Variants in HMBOX1 observed in about 807,000 individuals in gnomAD.
HMBOX1 encodes the protein homeobox-containing protein 1.
Under a neutral mutation model 54.5 loss-of-function variants are expected in HMBOX1, and 14 were observed. That is an observed-to-expected ratio of 0.26 (90% CI 0.17 to 0.40). The LOEUF (loss-of-function observed/expected upper bound fraction) is 0.40. Ranked by LOEUF, HMBOX1 falls within the 10% of genes least tolerant of loss-of-function variation. HMBOX1 has a pLI of 1.00. For missense variants in HMBOX1, 332 were observed against 514.4 expected, an observed-to-expected ratio of 0.65 and a Z score of 3.43; for synonymous variants, 160 against 181.0, an observed-to-expected ratio of 0.88 and a Z score of 0.93.
At chr8:28,986,607 G>A (rs576991293) in intron 4 of HMBOX1, among the ~76,000 whole-genome samples, 7 of 152,272 alleles carry the variant, frequency 4.6e-5, no homozygotes, top group Admixed American at 4.6e-4. Flanking sequence ...TCTCCAAATG[G>A]AAGAGGTTTA....
At chr8:28,961,280 A>G (rs960301827) in intron 1 of HMBOX1, among the ~76,000 whole-genome samples, 27 of 152,350 alleles carry the variant, frequency 1.8e-4, no homozygotes, top group African/African-American at 5.8e-4. Flanking sequence ...TTAAATACAT[A>G]CAGTATACAG....
intron 4 of HMBOX1, among the ~76,000 whole-genome samples, chr8:29,003,666 G>T (rs1368253840): frequency 6.7e-6 from 1 of 149,278 alleles, no homozygotes; most frequent in Non-Finnish European, 1.5e-5. Context: ...GAAATAAGGG[G>T]TGGGAGTGGA....
rs1435290308 is a variant in HMBOX1, at chr8:28,890,565, C to G, written c.-171C>G. 1 of 152,630 alleles carries G rather than the reference C, an allele frequency of 6.6e-6. No homozygotes were observed. The highest frequency in any genetic ancestry group is 2.4e-5 in the African/African-American group (1 of 41,380). 9.5% of individuals were successfully genotyped at this position (152,630 alleles called of 1,614,324 possible). The stretch of plus-strand genomic sequence containing the variant: ...CAGTCCCCTCCCGACGGGCGCCCCA[C>G]GCGGAAGACACCCCTCCCCCTCCCG... On this transcript the variant is annotated 5_prime_UTR_variant, in exon 1 of 10. Transcript: ENST00000287701.
chr8:28,931,662 C>G (rs1453854775), intron 1 of HMBOX1, among the ~76,000 whole-genome samples: 1 of 152,112 alleles, frequency 6.6e-6, no homozygotes, highest in Non-Finnish European at 1.5e-5. Context: ...CCACCTCAGC[C>G]TCCCAAGTAG....
chr8:28,891,413 C>T (rs1258612011), intron 1 of HMBOX1: 1 of 152,212 alleles, frequency 6.6e-6, no homozygotes, highest in Non-Finnish European at 1.5e-5. Flanking sequence ...TATTTTATTC[C>T]GGAACCGTGT....
intron 1 of HMBOX1, among the ~76,000 whole-genome samples, chr8:28,950,991 A>G (rs2132121846): frequency 6.6e-6 from 1 of 152,264 alleles, no homozygotes; most frequent in East Asian, 1.9e-4. Context: ...GATTACCTGT[A>G]TTTATTGATA....
intron 1 of HMBOX1, among the ~76,000 whole-genome samples, chr8:28,907,036 T>C (rs1814477029): frequency 6.6e-6 from 1 of 150,848 alleles, no homozygotes; most frequent in Non-Finnish European, 1.5e-5. Context: ...ATCAAAATTA[T>C]TTGAAAAATA....
intron 3 of HMBOX1, among the ~76,000 whole-genome samples, chr8:28,979,379 G>T (rs1219649436): frequency 1.3e-5 from 2 of 152,158 alleles, no homozygotes; most frequent in Admixed American, 1.3e-4. Flanking sequence ...GAAAAATGAG[G>T]TCTATAATGT....
intron 4 of HMBOX1, among the ~76,000 whole-genome samples, chr8:28,991,469 A>G (rs1230482150): frequency 2.0e-5 from 3 of 152,204 alleles, no homozygotes; most frequent in Non-Finnish European, 4.4e-5. Flanking sequence ...TGAGTGGCCT[A>G]TCTCCAGATC....
intron 5 of HMBOX1, among the ~76,000 whole-genome samples, chr8:29,011,156 T>C (rs1335912649): frequency 1.3e-5 from 2 of 152,218 alleles, no homozygotes; most frequent in South Asian, 2.1e-4. Context: ...AAGTAAAATA[T>C]GTGGTATGAG....
rs10554708 is a variant in HMBOX1, at chr8:28,970,981, GACACACACACACACACAC to G, written c.500+494_500+511del. Among the ~76,000 whole-genome samples the G allele has an allele frequency of 0.012, 1,643 of 132,036 alleles. 14 individuals are homozygous for G. Among genetic ancestry groups the G allele is most frequent in the Non-Finnish European group, 0.018 (1,111 of 62,712 alleles). The allele number at this position is 132,036 out of a possible 152,430, so 86.6% of individuals were successfully genotyped here. On this transcript the variant is annotated intron_variant, in intron 3 of 9. Transcript: ENST00000287701. The surrounding 1 kb of genome is among the most constrained non-coding windows in gnomAD (Gnocchi z 4.3). The stretch of plus-strand genomic sequence containing the variant: ...ATAGGTTCTAATTTTAGCAATAGAT[GACACACACACACACACAC>G]ACACACACACACACACACACACACA...
intron 1 of HMBOX1, among the ~76,000 whole-genome samples, chr8:28,941,280 A>C (rs1018899153): frequency 3.9e-5 from 6 of 152,190 alleles, no homozygotes; most frequent in Admixed American, 2.0e-4. Context: ...CAGTTAGATA[A>C]ATTGAATTGA....
chr8:28,919,857 A>G (rs1397119224), intron 1 of HMBOX1, among the ~76,000 whole-genome samples: 1 of 152,252 alleles, frequency 6.6e-6, no homozygotes, highest in Non-Finnish European at 1.5e-5. Flanking sequence ...CCTATTTTAA[A>G]TTCTTTTGTA....
chr8:28,929,263 G>GT (rs1819064375), intron 1 of HMBOX1, among the ~76,000 whole-genome samples: 1 of 152,162 alleles, frequency 6.6e-6, no homozygotes, highest in Non-Finnish European at 1.5e-5. Context: ...AATCTTCATC[G>GT]TAAGAGCAGT....
chr8:28,929,124 C>G (rs1563407713), intron 1 of HMBOX1, among the ~76,000 whole-genome samples: 1 of 152,068 alleles, frequency 6.6e-6, no homozygotes, highest in Non-Finnish European at 1.5e-5. Context: ...CATATAATTT[C>G]TATTTGTCTC....
intron 6 of HMBOX1, among the ~76,000 whole-genome samples, chr8:29,024,826 G>A (rs1005893033): frequency 1.3e-5 from 2 of 152,200 alleles, no homozygotes; most frequent in African/African-American, 2.4e-5. Context: ...CCCCTGGGCT[G>A]TGGACCTCCA....
At chr8:28,930,019 A>G (rs1445809103) in intron 1 of HMBOX1, among the ~76,000 whole-genome samples, 2 of 148,370 alleles carry the variant, frequency 1.3e-5, no homozygotes, top group Non-Finnish European at 3.0e-5. Flanking sequence ...TTTTTGAGAA[A>G]GAAGGGCACT....
At chr8:28,968,682 A>G (rs1826866381) in intron 2 of HMBOX1, among the ~76,000 whole-genome samples, 1 of 152,236 alleles carries the variant, frequency 6.6e-6, no homozygotes, top group Non-Finnish European at 1.5e-5. Context: ...GACCTTCAAT[A>G]GCTATAGGAC....
chr8:28,902,295 T>C (rs1813379635), intron 1 of HMBOX1, among the ~76,000 whole-genome samples: 1 of 152,160 alleles, frequency 6.6e-6, no homozygotes, highest in Admixed American at 6.5e-5. Flanking sequence ...GCAATCTATC[T>C]AGTACTGAGG....
Sources: allele counts gnomAD v4.1 joint callset (sites outside exome capture counted in the v4.1 genomes callset), GRCh38; gene constraint gnomAD v4.1.1; non-coding constraint Gnocchi (gnomAD v3.1); transcripts MANE v1.5; gene names NCBI Gene and HGNC (gene_info 2026-07-23, HGNC 2026-07-21).